RAP1A: variants seen among roughly 807,000 people sequenced by gnomAD.
RAP1A encodes ras-related protein Rap-1A.
Under a neutral mutation model 26.4 loss-of-function variants are expected in RAP1A, and 6 were observed. That is an observed-to-expected ratio of 0.23 (90% confidence interval 0.12 to 0.45). The LOEUF (loss-of-function observed/expected upper bound fraction) is 0.45, where lower values mean the gene tolerates loss of function less well. RAP1A is among the 20% of genes least tolerant of loss of function. The pLI is 0.99. For synonymous variants in RAP1A, 73 were observed against 79.4 expected (o/e 0.92, Z 0.43); for missense variants, 121 against 217.2 (o/e 0.56, Z 2.78).
intron 1 of RAP1A, among the ~76,000 whole-genome samples, chr1:111,576,730 G>T (rs1224279293): frequency 6.6e-6 from 1 of 152,194 alleles, no homozygotes; most frequent in Non-Finnish European, 1.5e-5. Context: ...AGAGTGTAAT[G>T]GGTGTTGGTG....
intron 1 of RAP1A, among the ~76,000 whole-genome samples, chr1:111,551,194 T>G (rs893314441): frequency 1.3e-5 from 2 of 152,242 alleles, no homozygotes; most frequent in African/African-American, 4.8e-5. Flanking sequence ...AAATTCATTC[T>G]TCTAACCTCT....
chr1:111,688,323 CTTT>C (rs755186287), intron 1 of RAP1A, among the ~76,000 whole-genome samples: 5 of 108,910 alleles, frequency 4.6e-5, no homozygotes, highest in Admixed American at 8.9e-5. Flanking sequence ...TTCTTTCTTT[CTTT>C]TTTTTTTTTT....
chr1:111,676,145 C>T lies in RAP1A; in HGVS notation c.-27-15189C>T, dbSNP rs145708743. Among the ~76,000 whole-genome samples, 1,310 of 152,250 alleles carry T rather than the reference C, an allele frequency of 8.6e-3. 17 individuals carry two copies. The highest frequency in any genetic ancestry group is 0.03 in the African/African-American group (1,254 of 41,522). On this transcript the variant is annotated intron_variant, in intron 1 of 7. Coordinates refer to ENST00000369709, the MANE Select transcript of RAP1A (RefSeq NM_002884.4). ...GCTGAGGACAGGCGGATCATGAGGT[C>T]AGGAGTTCGAGACCAGGCTGGCCAA... is the stretch of plus-strand genomic sequence containing the variant.
chr1:111,585,385 G>A (rs905654493), intron 1 of RAP1A, among the ~76,000 whole-genome samples: 4 of 152,134 alleles, frequency 2.6e-5, no homozygotes, highest in East Asian at 1.9e-4. Context: ...CAGCAAGGCC[G>A]GTGATTAAGG....
At chr1:111,662,125 G>T (rs897537777) in intron 1 of RAP1A, among the ~76,000 whole-genome samples, 2 of 152,238 alleles carry the variant, frequency 1.3e-5, no homozygotes, top group African/African-American at 4.8e-5. Flanking sequence ...GCCGGGTGTG[G>T]TGGCTCACGC....
chr1:111,576,762 C>G (rs1359193204), intron 1 of RAP1A, among the ~76,000 whole-genome samples: 1 of 152,194 alleles, frequency 6.6e-6, no homozygotes, highest in Admixed American at 6.5e-5. Flanking sequence ...GCCACCTGAT[C>G]TCAATCAGAC....
chr1:111,628,897 G>A (rs868666320), intron 1 of RAP1A, among the ~76,000 whole-genome samples: 9 of 151,984 alleles, frequency 5.9e-5, no homozygotes, highest in Admixed American at 1.3e-4. Flanking sequence ...CTATCATTTC[G>A]TCAGTAAAAA....
intron 1 of RAP1A, among the ~76,000 whole-genome samples, chr1:111,609,990 A>G (rs1275250553): frequency 1.3e-5 from 2 of 152,180 alleles, no homozygotes; most frequent in Admixed American, 1.3e-4. Flanking sequence ...TGTAACCACC[A>G]GCTCTACTAA....
At chr1:111,648,660 A>G (rs1456857308) in intron 1 of RAP1A, 19 of 527,784 alleles carry the variant, frequency 3.6e-5, no homozygotes, top group South Asian at 1.4e-4. Flanking sequence ...GTCCAGGTCA[A>G]TCTTTAAGGA....
intron 1 of RAP1A, among the ~76,000 whole-genome samples, chr1:111,646,642 G>T (rs1429711851): frequency 6.6e-6 from 1 of 151,936 alleles, no homozygotes; most frequent in East Asian, 1.9e-4. Flanking sequence ...CCGGGTTCAC[G>T]CCATTCTCCT....
upstream of RAP1A, among the ~76,000 whole-genome samples, chr1:111,616,129 G>T (rs1659010069): frequency 6.6e-6 from 1 of 152,216 alleles, no homozygotes; most frequent in African/African-American, 2.4e-5. Context: ...AAGGTGTTTA[G>T]TTTCTGTCAA....
intron 4 of RAP1A, among the ~76,000 whole-genome samples, chr1:111,702,300 A>C (rs1662044041): frequency 6.6e-6 from 1 of 151,990 alleles, no homozygotes; most frequent in Non-Finnish European, 1.5e-5. Context: ...TGTGCTTTTT[A>C]AGTAATATAT....
chr1:111,685,296 G>C (rs919063587), intron 1 of RAP1A, among the ~76,000 whole-genome samples: 1 of 152,150 alleles, frequency 6.6e-6, no homozygotes. Flanking sequence ...AAACCAAAGA[G>C]CTTCTGCACA....
At chr1:111,599,532 G>A (rs1362974570) in intron 1 of RAP1A, 1 of 152,180 alleles carries the variant, frequency 6.6e-6, no homozygotes, top group Admixed American at 6.5e-5. Context: ...ACTGGCCATT[G>A]GTGATCAATT....
chr1:111,622,849 G>C (rs1430738255), intron 1 of RAP1A, among the ~76,000 whole-genome samples: 1 of 152,118 alleles, frequency 6.6e-6, no homozygotes, highest in East Asian at 1.9e-4. Flanking sequence ...GAGTTTCACA[G>C]TCTGTCATTG....
intron 1 of RAP1A, among the ~76,000 whole-genome samples, chr1:111,634,975 C>G (rs1659684119): frequency 6.6e-6 from 1 of 151,934 alleles, no homozygotes; most frequent in Non-Finnish European, 1.5e-5. Context: ...ACTAAAAGTT[C>G]TAAAATCAAT....
At chr1:111,615,914 T>C (rs1345813140), upstream of RAP1A, among the ~76,000 whole-genome samples, 2 of 152,150 alleles carry the variant, frequency 1.3e-5, no homozygotes, top group Non-Finnish European at 2.9e-5. Context: ...AACTCCTGTT[T>C]TGGACTATGC....
At position 111,650,074 on chromosome 1, in the gene RAP1A, T is replaced by C. The variant is rs187373152; in HGVS notation, c.-28+30140T>C. 1.7e-3 allele frequency among the ~76,000 whole-genome samples: 255 copies of C among 150,182 alleles called. 3 individuals carry two copies. The highest frequency in any genetic ancestry group is 4.9e-3 in the African/African-American group (200 of 41,010). On this transcript the variant is annotated intron_variant, in intron 1 of 7. Coordinates refer to ENST00000369709, the MANE Select transcript of RAP1A (RefSeq NM_002884.4). ...CTTCTAACAATATATATAAGTAATA[T>C]TTGTGGAGTGGTAGAGTGCTTTTTT...
chr1:111,662,990 T>G (rs1660687316), intron 1 of RAP1A, among the ~76,000 whole-genome samples: 1 of 152,328 alleles, frequency 6.6e-6, no homozygotes, highest in East Asian at 1.9e-4. Flanking sequence ...CTTGGCTCAC[T>G]GTAACCTCCG....
Sources: gnomAD v4.1 joint callset for allele counts (sites outside exome capture counted in the v4.1 genomes callset) on GRCh38, gnomAD v4.1.1 for gene constraint, MANE v1.5 for transcripts, NCBI Gene and HGNC (gene_info 2026-07-23, HGNC 2026-07-21) for gene names.